The following ABLIM3 variants were observed in gnomAD, a reference collection of about 807,000 sequenced individuals.
The protein encoded by ABLIM3 is actin-binding LIM protein 3.
ABLIM3 carries 61 observed loss-of-function variants against 109.5 expected under a neutral mutation model. That is an observed-to-expected ratio of 0.56 (90% CI 0.45 to 0.69). The LOEUF is 0.69. Among genes scored for constraint, ABLIM3 ranks in the 30% least tolerant of loss-of-function variants. ABLIM3 has a pLI of 0.00. For missense variants in ABLIM3, 796 were observed against 889.5 expected, an observed-to-expected ratio of 0.89 and a Z score of 1.34; for synonymous variants, 300 against 324.8, an observed-to-expected ratio of 0.92 and a Z score of 0.82.
At chr5:149,165,297 C>G (rs1754723093) in intron 2 of ABLIM3, among the ~76,000 whole-genome samples, 1 of 152,194 alleles carries the variant, frequency 6.6e-6, no homozygotes, top group African/African-American at 2.4e-5. Context: ...TAAACTATGG[C>G]TCAAGGGTCA....
intron 9 of ABLIM3, among the ~76,000 whole-genome samples, 173 bp from the exon 10 acceptor site, chr5:149,233,056 G>A (rs998583): frequency 2.0e-5 from 3 of 152,036 alleles, no homozygotes; most frequent in Middle Eastern, 3.4e-3. Flanking sequence ...ATTTTTGGTC[G>A]CATTCATACT....
In ABLIM3 at chr5:149,198,338, G is replaced by A. The variant is rs373118040; in HGVS notation, c.271G>A (p.Gly91Ser). Residue 91 changes from glycine to serine, a missense_variant, in exon 4 of 24, where the codon GGC becomes AGC. Coordinates refer to ENST00000309868, the MANE Select transcript of ABLIM3 (RefSeq NM_014945.5). The surrounding 1 kb of genome is among the most constrained non-coding windows in gnomAD (Gnocchi z 4.2). ...TGACAGCTGCCGGGACTTCATCACA[G>A]GCGAAGTCATCTCGGCCCTGGGCCG... is the stretch of plus-strand genomic sequence containing the variant. ...RCDSCRDFITGEVISALGRTY... is the reference protein window; with the variant it reads ...RCDSCRDFITSEVISALGRTY... 19 of 1,614,076 alleles carry A rather than the reference G, an allele frequency of 1.2e-5. No individual in the cohort carries two copies. Among genetic ancestry groups the A allele is most frequent in the East Asian group, 2.2e-5 (1 of 44,892 alleles).
intron 2 of ABLIM3, among the ~76,000 whole-genome samples, chr5:149,145,041 G>C (rs1752792725): frequency 6.6e-6 from 1 of 152,030 alleles, no homozygotes; most frequent in South Asian, 2.1e-4. Context: ...TTGTTACATG[G>C]GTATATTGCA....
chr5:149,181,450 G>A (rs927806774), intron 2 of ABLIM3, among the ~76,000 whole-genome samples: 3 of 152,158 alleles, frequency 2.0e-5, no homozygotes, highest in African/African-American at 7.2e-5. Flanking sequence ...TAGCTGATTT[G>A]TTTGATTTTT....
intron 8 of ABLIM3, among the ~76,000 whole-genome samples, chr5:149,222,661 CTTTTTTTTTTTTTT>C (rs552243427): frequency 2.8e-4 from 35 of 124,424 alleles, no homozygotes; most frequent in African/African-American, 9.3e-4. Flanking sequence ...TTTCAGATTA[CTTTTTTTTTTTTTT>C]TTTTTTTTTT....
intron 3 of ABLIM3, among the ~76,000 whole-genome samples, chr5:149,186,759 T>G (rs1229562701): frequency 6.6e-6 from 1 of 151,924 alleles, no homozygotes; most frequent in African/African-American, 2.4e-5. Context: ...GCGAGCAGAA[T>G]CAGAACCTCA....
chr5:149,192,544 T>G (rs2127487981), intron 3 of ABLIM3, among the ~76,000 whole-genome samples: 1 of 147,774 alleles, frequency 6.8e-6, no homozygotes, highest in South Asian at 2.1e-4. Context: ...GAGAATGGCA[T>G]GAACCTGAGA....
At position 149,225,937 on chromosome 5, in the gene ABLIM3, A is replaced by ATATATATATG. The variant is rs1458950451; in HGVS notation, c.758-4709_758-4708insATATATGTAT. On this transcript the variant is annotated intron_variant, in intron 8 of 23. Transcript: ENST00000309868. ...CCATCATATATACATATATATATAT[A>ATATATATATG]TATGTATGTATGTATATAATATGTG... is the stretch of plus-strand genomic sequence containing the variant. Among the ~76,000 whole-genome samples the ATATATATATG allele has an allele frequency of 1.7e-3, 237 of 141,454 alleles. 2 individuals are homozygous for ATATATATATG. Among genetic ancestry groups the ATATATATATG allele is most frequent in the African/African-American group, 6.1e-3 (224 of 36,772 alleles). The allele number at this position is 141,454 out of a possible 152,430, so 92.8% of individuals were successfully genotyped here. A position where few individuals can be genotyped will look rare whatever the true frequency, so the allele number is the denominator to read the frequency against.
intron 2 of ABLIM3, among the ~76,000 whole-genome samples, chr5:149,144,081 G>A (rs971841891): frequency 1.3e-5 from 2 of 152,114 alleles, no homozygotes; most frequent in African/African-American, 4.8e-5. Context: ...GAAAAAGAAA[G>A]AAAGAAAAGA....
intron 10 of ABLIM3, among the ~76,000 whole-genome samples, chr5:149,236,034 G>A (rs1253975506): frequency 2.0e-5 from 3 of 152,214 alleles, no homozygotes; most frequent in Admixed American, 1.3e-4. Flanking sequence ...GGTTGCCAGG[G>A]GAATAAGTGT....
At chr5:149,257,834 C>T (rs945471573) in intron 23 of ABLIM3, among the ~76,000 whole-genome samples, 1 of 152,170 alleles carries the variant, frequency 6.6e-6, no homozygotes, top group African/African-American at 2.4e-5. Flanking sequence ...GCCTGATGAA[C>T]AGCCTTCCAG....
chr5:149,240,649 T>C (rs1368346771), intron 13 of ABLIM3, 27 bp from the exon 14 acceptor site: 1 of 1,593,060 alleles, frequency 6.3e-7, no homozygotes. Flanking sequence ...TCTGTTTTCT[T>C]TGGCGACCAC....
chr5:149,150,720 G>GAA (rs1399986596), intron 2 of ABLIM3, among the ~76,000 whole-genome samples: 1 of 152,192 alleles, frequency 6.6e-6, no homozygotes, highest in Non-Finnish European at 1.5e-5. Context: ...AGAAGTATCT[G>GAA]AACACCTTCG....
chr5:149,198,309 G>A lies in ABLIM3; in HGVS notation c.242G>A (p.Arg81His), dbSNP rs778989066. 42 of 1,614,056 alleles carry A rather than the reference G, an allele frequency of 2.6e-5. No individual in the cohort carries two copies. The highest frequency in any genetic ancestry group is 3.3e-5 in the Admixed American group (2 of 60,002). The part of the protein sequence containing the change: ...TQDYQQLYGT[R>H]CDSCRDFITG... ...GACTACCAGCAACTCTATGGCACCC[G>A]CTGTGACAGCTGCCGGGACTTCATC... Residue 81 changes from arginine (R) to histidine (H), a missense_variant, in exon 4 of 24, where the codon CGC becomes CAC. Arg to His is a conservative substitution (Grantham distance 29). Transcript: ENST00000309868. This position sits in a 1 kb window ranked among gnomAD's most constrained non-coding sequence, Gnocchi z 4.2.
intron 8 of ABLIM3, among the ~76,000 whole-genome samples, chr5:149,226,227 C>T (rs1761269466): frequency 6.6e-6 from 1 of 151,700 alleles, no homozygotes; most frequent in Non-Finnish European, 1.5e-5. Flanking sequence ...TGGCTCACAC[C>T]TGTAATCCCA....
chr5:149,213,725 G>C (rs191263449), intron 7 of ABLIM3, among the ~76,000 whole-genome samples: 2 of 152,120 alleles, frequency 1.3e-5, no homozygotes, highest in African/African-American at 4.8e-5. Context: ...TTAGCATTGC[G>C]GTAGACTGTT....
chr5:149,230,415 G>A (rs950813110), intron 8 of ABLIM3, among the ~76,000 whole-genome samples: 11 of 152,178 alleles, frequency 7.2e-5, no homozygotes, highest in African/African-American at 2.7e-4. Context: ...GCAAGAGGAT[G>A]TCATGTGAGC....
At chr5:149,250,421 T>C in intron 19 of ABLIM3, 26 bp from the exon 20 acceptor site, 1 of 1,613,510 alleles carries the variant, frequency 6.2e-7, no homozygotes, top group Middle Eastern at 1.7e-4. Context: ...GGACTCCTGA[T>C]AATTGCTCTA....
intron 8 of ABLIM3, chr5:149,220,570 G>A (rs1156524236): frequency 1.3e-5 from 2 of 152,134 alleles, no homozygotes; most frequent in South Asian, 2.1e-4. Flanking sequence ...AGTGTCTTGT[G>A]GGGGTTCTGC....
Sources: gnomAD v4.1 joint callset for allele counts (sites outside exome capture counted in the v4.1 genomes callset) on GRCh38, gnomAD v4.1.1 for gene constraint, Gnocchi (gnomAD v3.1) non-coding constraint, MANE v1.5 for transcripts, NCBI Gene and HGNC (gene_info 2026-07-23, HGNC 2026-07-21) for gene names.